Variants in ESRRG observed in about 807,000 individuals in gnomAD.
ESRRG encodes the protein estrogen-related receptor gamma.
In ESRRG, 13 loss-of-function variants were observed where a neutral mutation model predicts 44.0. The observed-to-expected ratio is 0.30, with a 90% confidence interval of 0.19 to 0.47. The LOEUF is 0.47. ESRRG is among the 20% of genes least tolerant of loss of function. The pLI, the probability that ESRRG is intolerant of heterozygous loss-of-function variation, is 1.00. For synonymous variants in ESRRG, 215 were observed against 214.6 expected, an observed-to-expected ratio of 1.00 and a Z score of -0.02; for missense variants, 395 against 580.6, an observed-to-expected ratio of 0.68 and a Z score of 3.29.
At chr1:216,507,247 G>A in intron 6 of ESRRG, 64 bp from the exon 7 acceptor site, 1 of 1,088,532 alleles carries the variant, frequency 9.2e-7, no homozygotes, top group Non-Finnish European at 1.3e-6. Flanking sequence ...GTAGACTAGA[G>A]TTATAAAATT....
chr1:217,017,521 G>T (rs1579551300), intron 1 of ESRRG, among the ~76,000 whole-genome samples: 1 of 147,990 alleles, frequency 6.8e-6, no homozygotes, highest in African/African-American at 2.5e-5. Flanking sequence ...TCCACTGTTT[G>T]CAGTGTTCAC....
At chr1:216,727,565 C>G (rs1251743624), upstream of ESRRG, among the ~76,000 whole-genome samples, 2 of 152,026 alleles carry the variant, frequency 1.3e-5, no homozygotes, top group Admixed American at 1.3e-4. Context: ...AGACTTCTTT[C>G]GAAGTCAGGA....
At position 216,758,964 on chromosome 1, in the gene ESRRG, G is replaced by A. The variant is rs540198745; in HGVS notation, c.-13-81473C>T. Among the ~76,000 whole-genome samples the A allele has an allele frequency of 3.9e-5, 6 of 151,996 alleles. No individual in the cohort carries two copies. In the South Asian group the frequency reaches 6.2e-4, roughly 16 times the overall value. On this transcript the variant is annotated intron_variant, in intron 2 of 7. Transcript: ENST00000359162. ...ATTATTATCCCCATTTTCAGATAAA[G>A]TAGCTAAGGCTGAGAGAAGTAAAGA...
intron 3 of ESRRG, among the ~76,000 whole-genome samples, chr1:216,611,636 G>C (rs986131306): frequency 3.3e-5 from 5 of 151,980 alleles, no homozygotes; most frequent in African/African-American, 9.7e-5. Flanking sequence ...ACTGGGTTTA[G>C]AGGCAGTGAG....
At chr1:216,593,277 T>C (rs2057967368) in intron 3 of ESRRG, among the ~76,000 whole-genome samples, 1 of 152,222 alleles carries the variant, frequency 6.6e-6, no homozygotes, top group African/African-American at 2.4e-5. Context: ...ATTGTTTTCT[T>C]TTTAAAGAAG....
At chr1:216,643,081 A>G (rs2066778170) in intron 3 of ESRRG, among the ~76,000 whole-genome samples, 1 of 152,208 alleles carries the variant, frequency 6.6e-6, no homozygotes, top group South Asian at 2.1e-4. Flanking sequence ...AGACTCTCAG[A>G]GTTCCCACTG....
intron 2 of ESRRG, chr1:216,864,876 C>G (rs912850542): frequency 1.3e-5 from 2 of 152,088 alleles, no homozygotes; most frequent in Admixed American, 1.3e-4. Context: ...AGCAAAGCAG[C>G]TGATCTAGGA....
At chr1:216,651,119 A>C in intron 2 of ESRRG, 30 bp from the exon 3 acceptor site, 1 of 1,378,030 alleles carries the variant, frequency 7.3e-7, no homozygotes, top group Non-Finnish European at 1.0e-6. Context: ...AAAAGTTGTC[A>C]TATTTACAAG....
intron 1 of ESRRG, among the ~76,000 whole-genome samples, chr1:217,031,831 A>G (rs1476859093): frequency 2.0e-5 from 3 of 152,214 alleles, no homozygotes; most frequent in South Asian, 4.1e-4. Context: ...CATGTGAAGA[A>G]GGATGTGTTT....
rs546689208 is a variant in ESRRG, at chr1:217,076,325, T to C, written c.-106+13182A>G. Among the ~76,000 whole-genome samples, 12 of 152,280 alleles carry C rather than the reference T, an allele frequency of 7.9e-5. No homozygotes were observed. In the South Asian group the frequency reaches 8.3e-4, roughly 11 times the overall value. On this transcript the variant is annotated intron_variant, in intron 1 of 7. Coordinates refer to the ESRRG transcript ENST00000359162. ...TGTCCCCTTTCCCCCCAGATTTGGC[T>C]ACTAGACATTCCTCACTTAGTTTTT...
chr1:216,661,613 A>T (rs1169058652), intron 2 of ESRRG, among the ~76,000 whole-genome samples: 1 of 152,136 alleles, frequency 6.6e-6, no homozygotes, highest in Non-Finnish European at 1.5e-5. Flanking sequence ...TGATAAAAGC[A>T]GTTGATTCTT....
intron 5 of ESRRG, among the ~76,000 whole-genome samples, chr1:216,535,190 G>A (rs2050577832): frequency 6.6e-6 from 1 of 152,124 alleles, no homozygotes; most frequent in South Asian, 2.1e-4. Flanking sequence ...GAGAGAAGCT[G>A]ACTTCAGTGC....
At chr1:216,672,454 A>G (rs539003352) in intron 2 of ESRRG, among the ~76,000 whole-genome samples, 3 of 152,312 alleles carry the variant, frequency 2.0e-5, no homozygotes, top group Non-Finnish European at 4.4e-5. Context: ...AACAATTTGT[A>G]TTACTTTTCT....
intron 5 of ESRRG, among the ~76,000 whole-genome samples, chr1:216,543,616 T>C (rs2053538601): frequency 6.6e-6 from 1 of 152,026 alleles, no homozygotes; most frequent in Admixed American, 6.6e-5. Flanking sequence ...ACTATCACAT[T>C]TTTTAATGTG....
At chr1:216,598,847 G>A (rs1203481189) in intron 3 of ESRRG, among the ~76,000 whole-genome samples, 1 of 152,146 alleles carries the variant, frequency 6.6e-6, no homozygotes, top group Non-Finnish European at 1.5e-5. Flanking sequence ...TTAATTTAAT[G>A]CCTACTGTGT....
intron 1 of ESRRG, among the ~76,000 whole-genome samples, chr1:216,722,299 G>A (rs1052679417): frequency 6.6e-6 from 1 of 152,118 alleles, no homozygotes; most frequent in Admixed American, 6.5e-5. Context: ...ATAAACCAGT[G>A]ACAGCTCTCG....
chr1:216,965,569 T>C lies in ESRRG; in HGVS notation c.-105-25896A>G, dbSNP rs565313659. ...CCATCTAGAGCCTATGCCCGTCTTC[T>C]AGGAATTCCCTACTCAAGTGGTTCT... On this transcript the variant is annotated intron_variant, in intron 1 of 7. Transcript: ENST00000359162. 9.2e-5 allele frequency among the ~76,000 whole-genome samples: 14 copies of C among 152,254 alleles called. No individual in the cohort carries two copies. In the East Asian group the frequency reaches 2.7e-3, roughly 29 times the overall value.
chr1:216,844,141 GA>G (rs891258163), intron 2 of ESRRG, among the ~76,000 whole-genome samples: 15 of 152,070 alleles, frequency 9.9e-5, no homozygotes, highest in Admixed American at 9.2e-4. Context: ...CCAGCCATAT[GA>G]ACCTCATTAT....
intron 1 of ESRRG, among the ~76,000 whole-genome samples, chr1:216,980,538 C>G (rs187885259): frequency 1.3e-5 from 2 of 152,098 alleles, no homozygotes; most frequent in African/African-American, 4.8e-5. Context: ...TTAGTAAGTC[C>G]GTGGGACCTC....
Sources: gnomAD v4.1 joint callset for allele counts (sites outside exome capture counted in the v4.1 genomes callset) on GRCh38, gnomAD v4.1.1 for gene constraint, MANE v1.5 for transcripts, NCBI Gene and HGNC (gene_info 2026-07-23, HGNC 2026-07-21) for gene names.